Variants in PRDM10 observed in about 807,000 individuals in gnomAD.
The protein encoded by PRDM10 is PR domain zinc finger protein 10.
In PRDM10, 65 loss-of-function variants were observed where a neutral mutation model predicts 133.1. That is an observed-to-expected ratio of 0.49 (90% CI 0.40 to 0.60). PRDM10 has a LOEUF of 0.60. Among genes scored for constraint, PRDM10 ranks in the 20% least tolerant of loss-of-function variants. The pLI, the probability that PRDM10 is intolerant of heterozygous loss-of-function variation, is 0.00. For synonymous variants in PRDM10, 582 were observed against 580.4 expected (o/e 1.00, Z -0.04); for missense variants, 1,137 against 1,507.1 (o/e 0.75, Z 4.07).
At chr11:129,915,570 T>C in intron 16 of PRDM10, 90 bp downstream of exon 16, 1 of 1,390,520 alleles carries the variant, frequency 7.2e-7, no homozygotes, top group Non-Finnish European at 9.7e-7. Flanking sequence ...GAAGGAGCCA[T>C]CCAGGCCATG....
At chr11:129,999,709 T>C (rs1939241860) in intron 1 of PRDM10, among the ~76,000 whole-genome samples, 1 of 152,214 alleles carries the variant, frequency 6.6e-6, no homozygotes, top group African/African-American at 2.4e-5. Flanking sequence ...TCTCAGCCCT[T>C]TGATGAATTA....
At position 129,902,067 on chromosome 11, in the gene PRDM10, C is replaced by T. The variant is rs1949856751; in HGVS notation, c.*246G>A. ...AGCTCAAGAGCAAGGCAAATTCTCT[C>T]CACCTCGAAATCTACTTTCCCCTGA... On this transcript the variant is annotated 3_prime_UTR_variant, in exon 21 of 21. Coordinates refer to ENST00000360871, the MANE Select transcript of PRDM10 (RefSeq NM_199437.2). 2.0e-6 allele frequency: 1 copy of T among 488,494 alleles called. No individual in the cohort carries two copies. Among genetic ancestry groups the T allele is most frequent in the Non-Finnish European group, 3.6e-6 (1 of 279,538 alleles). The allele number at this position is 488,494 out of a possible 1,614,324, so 30.3% of individuals were successfully genotyped here.
Position 129,923,833 on chromosome 11 carries a change from G to A in PRDM10, c.1879-430C>T, listed in dbSNP as rs147214199. Reference sequence around the variant, plus strand: ...AACCAATTCTTCCTTACTTTTCTCCGTCTTTAATCTGCACAGAAGCAATTT... The same window carrying A: ...AACCAATTCTTCCTTACTTTTCTCCATCTTTAATCTGCACAGAAGCAATTT... On this transcript the variant is annotated intron_variant, in intron 12 of 20. Coordinates refer to ENST00000360871, the MANE Select transcript of PRDM10 (RefSeq NM_199437.2). The surrounding 1 kb of genome is among the most constrained non-coding windows in gnomAD (Gnocchi z 4.4). 6.8e-3 allele frequency among the ~76,000 whole-genome samples: 1,037 copies of A among 152,290 alleles called. 4 individuals carry two copies. The highest frequency in any genetic ancestry group is 0.012 in the African/African-American group (517 of 41,556).
intron 19 of PRDM10, among the ~76,000 whole-genome samples, chr11:129,909,897 C>T (rs1372979408): frequency 6.6e-6 from 1 of 152,220 alleles, no homozygotes; most frequent in South Asian, 2.1e-4. Context: ...TGAAGCCAAA[C>T]TGCCTGGGTT....
intron 11 of PRDM10, among the ~76,000 whole-genome samples, chr11:129,930,061 A>C (rs1301922451): frequency 1.3e-5 from 2 of 152,242 alleles, no homozygotes; most frequent in East Asian, 3.8e-4. Flanking sequence ...ATATGACTAC[A>C]AATGTTTAAA....
At chr11:129,908,640 G>C (rs572100897) in intron 19 of PRDM10, among the ~76,000 whole-genome samples, 9 of 152,082 alleles carry the variant, frequency 5.9e-5, no homozygotes, top group Non-Finnish European at 1.2e-4. Flanking sequence ...AGGATGGTTC[G>C]TTACACTCCT....
At position 129,988,802 on chromosome 11, in the gene PRDM10, C is replaced by T. The variant is rs1000422976; in HGVS notation, c.-119+13920G>A. 1.1e-3 allele frequency among the ~76,000 whole-genome samples: 160 copies of T among 151,258 alleles called. 1 individual carries two copies. The highest frequency in any genetic ancestry group is 1.7e-3 in the Non-Finnish European group (117 of 67,782). On this transcript the variant is annotated intron_variant, in intron 1 of 20. Transcript: ENST00000360871. ...CCGCCACCACACCCAGCTAATTTTTCGTATTTTTAACAGAGACGGGGTTTC... is the reference window on the plus strand; with the variant it reads ...CCGCCACCACACCCAGCTAATTTTTTGTATTTTTAACAGAGACGGGGTTTC...
intron 1 of PRDM10, among the ~76,000 whole-genome samples, chr11:129,971,886 G>A (rs1367298972): frequency 6.6e-6 from 1 of 152,232 alleles, no homozygotes; most frequent in African/African-American, 2.4e-5. Context: ...AGCAGGGGGC[G>A]GCGCTCGTCG....
At chr11:129,993,605 C>T (rs1938872819) in intron 1 of PRDM10, among the ~76,000 whole-genome samples, 1 of 152,146 alleles carries the variant, frequency 6.6e-6, no homozygotes, top group South Asian at 2.1e-4. Flanking sequence ...CTGCCTCAGC[C>T]TCCCGAGTAG....
Position 129,957,737 on chromosome 11 carries a change from T to C in PRDM10, c.234+9A>G. 1 of 1,601,572 alleles carries C rather than the reference T, an allele frequency of 6.2e-7. No individual in the cohort carries two copies. Among genetic ancestry groups the C allele is most frequent in the Non-Finnish European group, 8.5e-7 (1 of 1,174,492 alleles). Reference sequence around the variant, plus strand: ...TTGACAAATTATCAACAGATAACCCTTCACATGCCTGTGCAGCTTCCACCG... The same window carrying C: ...TTGACAAATTATCAACAGATAACCCCTCACATGCCTGTGCAGCTTCCACCG... On this transcript the variant is annotated intron_variant, in intron 3 of 20. Coordinates refer to ENST00000360871, the MANE Select transcript of PRDM10 (RefSeq NM_199437.2).
In PRDM10 at chr11:129,994,690, C is replaced by A. The variant is rs192969321; in HGVS notation, c.-119+8032G>T. Among the ~76,000 whole-genome samples, 10 of 152,018 alleles carry A rather than the reference C, an allele frequency of 6.6e-5. No individual in the cohort carries two copies. The East Asian group carries it at 1.5e-3, about 24-fold the overall frequency. On this transcript the variant is annotated intron_variant, in intron 1 of 20. Coordinates refer to ENST00000360871, the MANE Select transcript of PRDM10 (RefSeq NM_199437.2). Reference sequence around the variant, plus strand: ...TTTTTGAGACAGAGCCTCGCTCTGACGCCCAGGCTGGAGTACAGTGGCACA... The same window carrying A: ...TTTTTGAGACAGAGCCTCGCTCTGAAGCCCAGGCTGGAGTACAGTGGCACA...
rs142841161 is a variant in PRDM10, at chr11:129,910,640, A to G, written c.2999T>C (p.Leu1000Ser). 1,178 of 1,584,252 alleles carry G rather than the reference A, an allele frequency of 7.4e-4. 1 individual carries two copies. The highest frequency in any genetic ancestry group is 9.5e-4 in the Non-Finnish European group (1,108 of 1,163,832). ...PSSAQVSGQP[L>S]SPSAQQAQQG... Reference sequence around the variant, plus strand: ...CTGAGCCTGCTGGGCTGAGGGACTCAACGGCTGCCCAGATACCTGGGGAGA... The same window carrying G: ...CTGAGCCTGCTGGGCTGAGGGACTCGACGGCTGCCCAGATACCTGGGGAGA... The change falls in exon 19 of 21, where the codon TTG becomes TCG. Residue 1000 changes from leucine (L) to serine (S), a missense_variant. Around this residue, in one of 6 missense-constraint regions of PRDM10, gnomAD observed 243 missense variants for 259.2 expected, o/e 0.94. Transcript: ENST00000360871.
At chr11:129,916,413 C>T (rs12223952) in intron 15 of PRDM10, among the ~76,000 whole-genome samples, 43,742 of 152,144 alleles carry the variant, frequency 0.29, 6,597 homozygotes, top group Middle Eastern at 0.36. Context: ...TTTGGGAGGC[C>T]GAGGCGGGCG....
intron 1 of PRDM10, among the ~76,000 whole-genome samples, chr11:129,978,768 T>C (rs1414036610): frequency 2.6e-5 from 4 of 152,226 alleles, no homozygotes; most frequent in East Asian, 3.8e-4. Context: ...GTGGCACACC[T>C]TTCTTCATGC....
At chr11:130,002,168 G>C (rs1162992221) in intron 1 of PRDM10, among the ~76,000 whole-genome samples, 1 of 148,626 alleles carries the variant, frequency 6.7e-6, no homozygotes, top group Non-Finnish European at 1.5e-5. Flanking sequence ...CCCGGTGCTC[G>C]GCTCCCGGCC....
chr11:129,912,768 T>C (rs1298607738), intron 17 of PRDM10, among the ~76,000 whole-genome samples: 1 of 119,292 alleles, frequency 8.4e-6, no homozygotes, highest in Admixed American at 8.6e-5. Context: ...AAAAAAAAAA[T>C]TAGTCAGGCA....
In PRDM10 at chr11:129,931,571, A is replaced by T. The variant is rs868645625; in HGVS notation, c.1288-313T>A. ...TATTTATTTATTTTTATTTTATTTT[A>T]TTTTATTTTTTTTTTGAGACGGAGT... On this transcript the variant is annotated intron_variant, in intron 10 of 20. Transcript: ENST00000360871. 8.4e-3 allele frequency among the ~76,000 whole-genome samples: 1,143 copies of T among 135,500 alleles called. 9 individuals carry two copies. Among genetic ancestry groups the T allele is most frequent in the African/African-American group, 0.021 (768 of 36,834 alleles). The allele number at this position is 135,500 out of a possible 152,430, so 88.9% of individuals were successfully genotyped here.
chr11:129,958,460 G>A (rs905478358), intron 2 of PRDM10, among the ~76,000 whole-genome samples: 2 of 152,060 alleles, frequency 1.3e-5, no homozygotes, highest in Non-Finnish European at 2.9e-5. Flanking sequence ...TGGCCAACAT[G>A]GTGAAACCCT....
Position 129,923,207 on chromosome 11 carries a change from T to G in PRDM10, c.2034+41A>C. The stretch of plus-strand genomic sequence containing the variant: ...TACCCTCAGCTTGCTATAATTCCAG[T>G]GGCCACGAGAACCACCTTGGGCTGT... On this transcript the variant is annotated intron_variant, in intron 13 of 20. Coordinates refer to ENST00000360871, the MANE Select transcript of PRDM10 (RefSeq NM_199437.2). The surrounding 1 kb of genome is among the most constrained non-coding windows in gnomAD (Gnocchi z 4.4). The G allele has an allele frequency of 6.6e-7, 1 of 1,518,234 alleles. No homozygotes were observed. Among genetic ancestry groups the G allele is most frequent in the Non-Finnish European group, 8.9e-7 (1 of 1,129,572 alleles). 94.0% of individuals were successfully genotyped at this position (1,518,234 alleles called of 1,614,324 possible).
Sources: allele counts gnomAD v4.1 joint callset (sites outside exome capture counted in the v4.1 genomes callset), GRCh38; gene constraint gnomAD v4.1.1; regional missense constraint gnomAD v4.1.1; non-coding constraint Gnocchi (gnomAD v3.1); transcripts MANE v1.5; gene names NCBI Gene and HGNC (gene_info 2026-07-23, HGNC 2026-07-21).